Variants in DST observed in about 807,000 individuals in gnomAD.
The protein encoded by DST is bullous pemphigoid antigen.
In DST, 253 loss-of-function variants were observed where a neutral mutation model predicts 875.2. The observed-to-expected ratio is 0.29, with a 90% CI of 0.26 to 0.32. The LOEUF is 0.32. DST is among the 10% of genes least tolerant of loss of function. DST has a pLI of 1.00. For missense variants in DST, 8,287 were observed against 9,111.6 expected (o/e 0.91, Z 3.68); for synonymous variants, 3,124 against 3,197.1 (o/e 0.98, Z 0.77).
At chr6:56,492,892 G>T in intron 84 of DST, 42 bp downstream of exon 84, 1 of 1,409,808 alleles carries the variant, frequency 7.1e-7, no homozygotes. Flanking sequence ...AAAAAGCCTG[G>T]TGTCTGAAAA....
In DST at chr6:56,561,650, G is replaced by C. The variant is rs1272087883; in HGVS notation, c.14069-101C>G. ...TTTACATGGTATTTTGTCACTTCTAGCTTGTCATTATTAAGCCTAGTAGAT... is the reference window on the plus strand; with the variant it reads ...TTTACATGGTATTTTGTCACTTCTACCTTGTCATTATTAAGCCTAGTAGAT... On this transcript the variant is annotated intron_variant, in intron 56 of 103. Coordinates refer to ENST00000680361, the MANE Select transcript of DST (RefSeq NM_001374736.1). 3 of 1,183,330 alleles carry C rather than the reference G, an allele frequency of 2.5e-6. No individual in the cohort carries two copies. In the African/African-American group the frequency reaches 4.6e-5, roughly 18 times the overall value. 73.3% of individuals were successfully genotyped at this position (1,183,330 alleles called of 1,614,324 possible).
At position 56,636,538 on chromosome 6, in the gene DST, T is replaced by TATG; in HGVS notation, c.3060+16_3060+18dup. On this transcript the variant is annotated intron_variant, in intron 23 of 103. Coordinates refer to ENST00000680361, the MANE Select transcript of DST (RefSeq NM_001374736.1). ...AAATCACAATACCATCTATTGAAGT[T>TATG]ATGATTCTACTCACATACCTCGAAA... 6.2e-7 allele frequency: 1 copy of TATG among 1,600,612 alleles called. No individual in the cohort carries two copies.
intron 4 of DST, among the ~76,000 whole-genome samples, chr6:56,736,292 C>G (rs1215543711): frequency 6.6e-6 from 1 of 152,108 alleles, no homozygotes; most frequent in African/African-American, 2.4e-5. Flanking sequence ...TTCCTATAGA[C>G]AGCACAAAGA....
intron 5 of DST, among the ~76,000 whole-genome samples, chr6:56,733,728 A>G (rs2099511546): frequency 6.6e-6 from 1 of 152,108 alleles, no homozygotes; most frequent in Non-Finnish European, 1.5e-5. Flanking sequence ...TTTGTTCAAA[A>G]TTAACATAAT....
chr6:56,566,719 T>C (rs2097685582), intron 55 of DST, among the ~76,000 whole-genome samples: 1 of 152,180 alleles, frequency 6.6e-6, no homozygotes, highest in African/African-American at 2.4e-5. Context: ...CAGAAGGTGC[T>C]CAGTATATAA....
intron 29 of DST, 33 bp downstream of exon 29, chr6:56,631,850 T>C (rs202228365): frequency 1.2e-6 from 2 of 1,603,644 alleles, no homozygotes; most frequent in African/African-American, 1.3e-5. Flanking sequence ...TTAAGAGAGT[T>C]AGTTTTTTTC....
intron 9 of DST, among the ~76,000 whole-genome samples, chr6:56,681,674 C>T (rs1311290011): frequency 1.3e-5 from 2 of 152,208 alleles, no homozygotes; most frequent in Non-Finnish European, 2.9e-5. Flanking sequence ...AAGATAATGT[C>T]TTATTTGCCT....
chr6:56,509,935 TA>T (rs1284773879), intron 73 of DST, 62 bp from the exon 74 acceptor site: 3 of 1,284,518 alleles, frequency 2.3e-6, no homozygotes, highest in Non-Finnish European at 3.2e-6. Context: ...GTGTGAAATT[TA>T]AATGAAAAAA....
chr6:56,821,196 T>C (rs983280999), intron 4 of DST, among the ~76,000 whole-genome samples: 10 of 152,186 alleles, frequency 6.6e-5, no homozygotes, highest in African/African-American at 2.4e-4. Flanking sequence ...AACACAAATA[T>C]TAACTTTCAA....
At chr6:56,502,646 G>T (rs899253050) in intron 78 of DST, among the ~76,000 whole-genome samples, 1 of 151,938 alleles carries the variant, frequency 6.6e-6, no homozygotes. Flanking sequence ...TGACCTATAC[G>T]AAAATAACCA....
chr6:56,600,034 C>CG, intron 45 of DST, 35 bp downstream of exon 45: 1 of 1,573,244 alleles, frequency 6.4e-7, no homozygotes, highest in Non-Finnish European at 8.7e-7. Flanking sequence ...AACATAACAT[C>CG]AACATAGATC....
intron 4 of DST, chr6:56,843,413 G>A: frequency 4.6e-6 from 5 of 1,093,088 alleles, no homozygotes; most frequent in Non-Finnish European, 5.6e-6. Flanking sequence ...GGTTTCAGCA[G>A]CGGCAAATCT....
chr6:56,703,823 G>C, intron 6 of DST, 77 bp from the exon 7 acceptor site: 1 of 349,506 alleles, frequency 2.9e-6, no homozygotes, highest in Non-Finnish European at 3.9e-6. Flanking sequence ...AGCATGAACA[G>C]AACATAATGA....
chr6:56,642,992 G>A, intron 15 of DST: 2 of 1,291,582 alleles, frequency 1.5e-6, no homozygotes, highest in Non-Finnish European at 2.1e-6. Context: ...CTAGCCTAAA[G>A]CCATTCGTTT....
At chr6:56,888,610 A>G (rs773505609) in intron 3 of DST, among the ~76,000 whole-genome samples, 15 of 152,222 alleles carry the variant, frequency 9.9e-5, no homozygotes, top group Non-Finnish European at 1.5e-4. Context: ...TAATCTAAGC[A>G]GGAAAGGAAC....
At chr6:56,658,013 GCCTCGGCCC>G (rs2099018910) in intron 10 of DST, among the ~76,000 whole-genome samples, 1 of 151,794 alleles carries the variant, frequency 6.6e-6, no homozygotes, top group African/African-American at 2.4e-5. Context: ...TGATCCACTC[GCCTCGGCCC>G]CCCCAACTGC....
At position 56,568,417 on chromosome 6, in the gene DST, A is replaced by G. The variant is rs768783567; in HGVS notation, c.14005+52T>C. The G allele has an allele frequency of 1.4e-3, 2,170 of 1,546,118 alleles. 5 individuals are homozygous for G. The highest frequency in any genetic ancestry group is 1.3e-3 in the Non-Finnish European group (1,490 of 1,148,980). ...AAAAAATAACATACACAAAATTGAC[A>G]TGAGTAAACCTGATTCTTAGTTTTT... is the stretch of plus-strand genomic sequence containing the variant. On this transcript the variant is annotated intron_variant, in intron 55 of 103. Coordinates refer to ENST00000680361, the MANE Select transcript of DST (RefSeq NM_001374736.1).
At position 56,629,453 on chromosome 6, in the gene DST, A is replaced by G. The variant is rs1293532130; in HGVS notation, c.4282-10T>C. 2.5e-6 allele frequency: 4 copies of G among 1,602,426 alleles called. No individual in the cohort carries two copies. The highest frequency in any genetic ancestry group is 3.3e-5 in the Admixed American group (2 of 59,954). Reference sequence around the variant, plus strand: ...CTTCAGATCTCCATTGCTAAAATACATTAATTGGTAAAAGTTATAAAAATG... The same window carrying G: ...CTTCAGATCTCCATTGCTAAAATACGTTAATTGGTAAAAGTTATAAAAATG... On this transcript the variant is annotated splice_polypyrimidine_tract_variant and intron_variant, in intron 31 of 103. Coordinates refer to ENST00000680361, the MANE Select transcript of DST (RefSeq NM_001374736.1).
chr6:56,602,003 A>G (rs775828424), intron 43 of DST: 12 of 445,754 alleles, frequency 2.7e-5, no homozygotes, highest in Non-Finnish European at 4.8e-5. Flanking sequence ...CTGAAGAGAA[A>G]CATCTACCTT....
Sources: gnomAD v4.1 joint callset for allele counts (sites outside exome capture counted in the v4.1 genomes callset) on GRCh38, gnomAD v4.1.1 for gene constraint, MANE v1.5 for transcripts, NCBI Gene and HGNC (gene_info 2026-07-23, HGNC 2026-07-21) for gene names.